RHOBTB3: variants seen among roughly 807,000 people sequenced by gnomAD.
RHOBTB3 encodes Rho related BTB domain containing 3.
In RHOBTB3, 47 loss-of-function variants were observed where a neutral mutation model predicts 67.2. The observed-to-expected ratio is 0.70, with a 90% CI of 0.55 to 0.89. The LOEUF is 0.89. RHOBTB3 is among the 40% of genes least tolerant of loss of function. RHOBTB3 has a pLI of 0.00. For missense variants in RHOBTB3, 631 were observed against 750.0 expected (o/e 0.84, Z 1.85); for synonymous variants, 273 against 274.2 (o/e 1.00, Z 0.04).
At chr5:95,789,395 T>C (rs1746310917) in intron 11 of RHOBTB3, 1 of 152,402 alleles carries the variant, frequency 6.6e-6, no homozygotes, top group Non-Finnish European at 1.5e-5. Context: ...TGGGAGTGTA[T>C]GTAATATGCT....
intron 10 of RHOBTB3, among the ~76,000 whole-genome samples, chr5:95,785,388 G>A (rs920848742): frequency 1.3e-5 from 2 of 152,118 alleles, no homozygotes; most frequent in Non-Finnish European, 2.9e-5. Flanking sequence ...TCAGGAGATC[G>A]AGACCATCCT....
At chr5:95,778,203 G>A (rs1057137573) in intron 8 of RHOBTB3, among the ~76,000 whole-genome samples, 5 of 151,904 alleles carry the variant, frequency 3.3e-5, no homozygotes, top group Middle Eastern at 3.2e-3. Context: ...GATCCGCTAC[G>A]CTCAAGTTCG....
intron 3 of RHOBTB3, among the ~76,000 whole-genome samples, chr5:95,747,980 G>T (rs537483593): frequency 1.2e-4 from 18 of 152,326 alleles, no homozygotes; most frequent in African/African-American, 4.1e-4. Context: ...TGGCAATCAA[G>T]TTGTTACATT....
At chr5:95,731,293 A>AC (rs1386102656), upstream of RHOBTB3, 2 of 1,029,830 alleles carry the variant, frequency 1.9e-6, no homozygotes, top group Non-Finnish European at 2.3e-6. Context: ...GATCTCCCCG[A>AC]CCCCCCTTCT....
intron 6 of RHOBTB3, among the ~76,000 whole-genome samples, chr5:95,757,268 T>A (rs941076294): frequency 6.6e-6 from 1 of 152,216 alleles, no homozygotes; most frequent in Non-Finnish European, 1.5e-5. Context: ...AAGTGTCCCA[T>A]GTAAGAGTGG....
At chr5:95,754,736 G>A (rs1301609075) in intron 5 of RHOBTB3, among the ~76,000 whole-genome samples, 1 of 152,194 alleles carries the variant, frequency 6.6e-6, no homozygotes, top group African/African-American at 2.4e-5. Flanking sequence ...TTAGAAATTA[G>A]GGAGCTGAGT....
At chr5:95,785,858 T>A (rs1364162738) in intron 10 of RHOBTB3, among the ~76,000 whole-genome samples, 1 of 152,214 alleles carries the variant, frequency 6.6e-6, no homozygotes, top group Non-Finnish European at 1.5e-5. Context: ...ACTTCCCGTG[T>A]GGTCACATTG....
chr5:95,745,358 A>G (rs1190278794), intron 3 of RHOBTB3, among the ~76,000 whole-genome samples: 1 of 152,164 alleles, frequency 6.6e-6, no homozygotes, highest in East Asian at 1.9e-4. Context: ...TTGGCTCTGA[A>G]TAAATTTTCG....
intron 7 of RHOBTB3, among the ~76,000 whole-genome samples, chr5:95,765,864 G>A (rs529962733): frequency 6.6e-6 from 1 of 152,090 alleles, no homozygotes; most frequent in African/African-American, 2.4e-5. Flanking sequence ...GGGTTTCACC[G>A]TGTTAGCCAG....
At chr5:95,732,692 C>G (rs562025413) in intron 2 of RHOBTB3, 7 of 125,978 alleles carry the variant, frequency 5.6e-5, no homozygotes, top group Admixed American at 5.4e-4. Context: ...TCAGAAATAA[C>G]ATTACTAATG....
upstream of RHOBTB3, among the ~76,000 whole-genome samples, chr5:95,727,987 G>C (rs1440794738): frequency 6.6e-6 from 1 of 152,230 alleles, no homozygotes; most frequent in Non-Finnish European, 1.5e-5. Flanking sequence ...CTTCAAGGTT[G>C]ACCTGACTTC....
chr5:95,769,686 A>G (rs1404485634), intron 8 of RHOBTB3: 3 of 171,356 alleles, frequency 1.8e-5, no homozygotes, highest in African/African-American at 7.2e-5. Context: ...TTATTAATGT[A>G]TCGAATAATT....
At chr5:95,720,543 T>A (rs926583076) in intron 1 of RHOBTB3, among the ~76,000 whole-genome samples, 1 of 152,212 alleles carries the variant, frequency 6.6e-6, no homozygotes, top group African/African-American at 2.4e-5. Context: ...GGTGGTGGCC[T>A]AGTAACAGAC....
intron 8 of RHOBTB3, among the ~76,000 whole-genome samples, chr5:95,773,069 G>A (rs1745764871): frequency 6.6e-6 from 1 of 152,170 alleles, no homozygotes; most frequent in South Asian, 2.1e-4. Flanking sequence ...CAAACATTAT[G>A]TTAGCATAAC....
At position 95,768,297 on chromosome 5, in the gene RHOBTB3, T is replaced by C. The variant is rs2048820111; in HGVS notation, c.1282+131T>C. 9 of 680,108 alleles carry C rather than the reference T, an allele frequency of 1.3e-5. No homozygotes were observed. The South Asian group carries it at 2.0e-4, about 15-fold the overall frequency. The allele number at this position is 680,108 out of a possible 1,614,324, so 42.1% of individuals were successfully genotyped here. A position where few individuals can be genotyped will look rare whatever the true frequency, so the allele number is the denominator to read the frequency against. ...CCTACTGAGGTATGTAGATTAATAC[T>C]ACCTTAATGTCAACAAAATCTTCCA... On this transcript the variant is annotated intron_variant, in intron 8 of 11. Coordinates refer to ENST00000379982, the MANE Select transcript of RHOBTB3 (RefSeq NM_014899.4).
rs543680806 is a variant in RHOBTB3 at position 95,732,320 on chromosome 5, G to A, written c.228+236G>A. On this transcript the variant is annotated intron_variant, in intron 2 of 11. Coordinates refer to ENST00000379982, the MANE Select transcript of RHOBTB3 (RefSeq NM_014899.4). The stretch of plus-strand genomic sequence containing the variant: ...CAGTGGGAATGTGGAGCACTTACTG[G>A]TACACTTCACGACTGTGGGTTGACC... The A allele has an allele frequency of 3.8e-4, 232 of 604,642 alleles. 4 individuals are homozygous for A. The highest frequency in any genetic ancestry group is 3.2e-3 in the African/African-American group (175 of 54,088). 37.5% of individuals were successfully genotyped at this position (604,642 alleles called of 1,614,324 possible). A position where few individuals can be genotyped will look rare whatever the true frequency, so the allele number is the denominator to read the frequency against.
chr5:95,769,485 A>G (rs906470897), intron 8 of RHOBTB3: 53 of 185,904 alleles, frequency 2.9e-4, no homozygotes, highest in Non-Finnish European at 1.9e-4. Flanking sequence ...GTCCAAACCT[A>G]TGACAACTCT....
rs983686210 is a variant in RHOBTB3, at chr5:95,731,525, C to A, written c.-158C>A. 5 of 1,301,534 alleles carry A rather than the reference C, an allele frequency of 3.8e-6. No individual in the cohort carries two copies. The highest frequency in any genetic ancestry group is 4.3e-5 in the Admixed American group (1 of 23,484). The allele number at this position is 1,301,534 out of a possible 1,614,324, so 80.6% of individuals were successfully genotyped here. A position where few individuals can be genotyped will look rare whatever the true frequency, so the allele number is the denominator to read the frequency against. ...GCTCGCTCGCTGGCTGGCGCGGCCC[C>A]GGCCCCGCTCTGCGTCGGCCCCGCC... On this transcript the variant is annotated 5_prime_UTR_variant, in exon 1 of 12. Coordinates refer to ENST00000379982, the MANE Select transcript of RHOBTB3 (RefSeq NM_014899.4).
upstream of RHOBTB3, among the ~76,000 whole-genome samples, chr5:95,729,424 C>G (rs778898671): frequency 2.5e-4 from 38 of 152,164 alleles, no homozygotes; most frequent in Non-Finnish European, 4.9e-4. Context: ...TCCAAGTTGT[C>G]AGCAACTTTG....
Sources: allele counts gnomAD v4.1 joint callset (sites outside exome capture counted in the v4.1 genomes callset), GRCh38; gene constraint gnomAD v4.1.1; transcripts MANE v1.5; gene names NCBI Gene and HGNC (gene_info 2026-07-23, HGNC 2026-07-21).